CTNNA2: variants seen among roughly 807,000 people sequenced by gnomAD.
CTNNA2 encodes catenin alpha 2.
In CTNNA2, 42 loss-of-function variants were observed where a neutral mutation model predicts 101.0. The observed-to-expected ratio is 0.42, with a 90% confidence interval of 0.32 to 0.54. The LOEUF is 0.54. Ranked by LOEUF, CTNNA2 falls within the 20% of genes least tolerant of loss-of-function variation. The pLI is 0.14. For synonymous variants in CTNNA2, 450 were observed against 456.4 expected (o/e 0.99, Z 0.18); for missense variants, 871 against 1,223.1 (o/e 0.71, Z 4.29).
intron 9 of CTNNA2, among the ~76,000 whole-genome samples, chr2:80,528,720 T>A (rs985344186): frequency 6.6e-6 from 1 of 152,162 alleles, no homozygotes; most frequent in Non-Finnish European, 1.5e-5. Flanking sequence ...AATAAATTAC[T>A]CATTCCAGAG....
At chr2:79,762,405 CCT>C (rs1012100202) in intron 3 of CTNNA2, among the ~76,000 whole-genome samples, 21 of 152,026 alleles carry the variant, frequency 1.4e-4, no homozygotes, top group African/African-American at 3.4e-4. Flanking sequence ...TGCAAAAGAC[CCT>C]CCTGGTTCTT....
intron 7 of CTNNA2, among the ~76,000 whole-genome samples, chr2:80,272,881 A>G (rs1673606957): frequency 6.6e-6 from 1 of 152,236 alleles, no homozygotes; most frequent in South Asian, 2.1e-4. Flanking sequence ...AAGTAGGGTC[A>G]AAGTTTATCT....
intron 7 of CTNNA2, among the ~76,000 whole-genome samples, chr2:80,006,155 TATTTA>T (rs1418798513): frequency 6.6e-6 from 1 of 151,988 alleles, no homozygotes; most frequent in African/African-American, 2.4e-5. Context: ...ATTTTAACAG[TATTTA>T]ATTGTTTGAT....
chr2:80,382,047 G>C (rs1221754752), intron 7 of CTNNA2, among the ~76,000 whole-genome samples: 2 of 152,168 alleles, frequency 1.3e-5, no homozygotes. Flanking sequence ...GAAAGGGAAT[G>C]AGTGTATAAA....
chr2:79,640,512 T>C (rs1401772741), intron 1 of CTNNA2, among the ~76,000 whole-genome samples: 11 of 152,162 alleles, frequency 7.2e-5, no homozygotes, highest in Non-Finnish European at 1.6e-4. Flanking sequence ...CTGAAATACA[T>C]AAATAAAAGT....
intron 9 of CTNNA2, among the ~76,000 whole-genome samples, chr2:80,461,796 G>A (rs1018306554): frequency 2.0e-5 from 3 of 152,016 alleles, no homozygotes; most frequent in Admixed American, 2.0e-4. Context: ...AAATAATGTC[G>A]ACTTTTTCCA....
intron 7 of CTNNA2, among the ~76,000 whole-genome samples, chr2:80,037,615 A>T (rs1439089288): frequency 1.3e-5 from 2 of 152,200 alleles, no homozygotes; most frequent in Non-Finnish European, 2.9e-5. Context: ...CAAGAGCATC[A>T]TGACTTTATG....
At chr2:79,731,046 G>C (rs2104919153) in intron 2 of CTNNA2, among the ~76,000 whole-genome samples, 1 of 152,098 alleles carries the variant, frequency 6.6e-6, no homozygotes, top group African/African-American at 2.4e-5. Flanking sequence ...ATCAAACACT[G>C]TTACTTTTTA....
At chr2:79,645,651 C>A (rs1680766354) in intron 1 of CTNNA2, among the ~76,000 whole-genome samples, 1 of 152,094 alleles carries the variant, frequency 6.6e-6, no homozygotes, top group Non-Finnish European at 1.5e-5. Context: ...CATCCCTACC[C>A]CAATTGGTGT....
intron 2 of CTNNA2, among the ~76,000 whole-genome samples, chr2:79,212,850 TG>T (rs920629594): frequency 1.3e-5 from 2 of 152,124 alleles, no homozygotes; most frequent in Non-Finnish European, 2.9e-5. Context: ...GCTTGATGTG[TG>T]GGAAAGGGAG....
rs951494076 is a variant in CTNNA2, at chr2:79,468,390, A to T, written c.-134-36664A>T. Among the ~76,000 whole-genome samples the T allele has an allele frequency of 2.6e-4, 39 of 152,188 alleles. 1 individual carries two copies. Among genetic ancestry groups the T allele is most frequent in the Admixed American group, 6.5e-5 (1 of 15,272 alleles). ...CCAGATTCATAAAGCAAGCCCTTAGAGACCAACAAAGAGACTTAGACTCCC... is the reference window on the plus strand; with the variant it reads ...CCAGATTCATAAAGCAAGCCCTTAGTGACCAACAAAGAGACTTAGACTCCC... On this transcript the variant is annotated intron_variant, in intron 4 of 21. Coordinates refer to the CTNNA2 transcript ENST00000466387.
chr2:79,639,570 G>GT lies in CTNNA2; in HGVS notation c.-5-11973dup, dbSNP rs964723567. The stretch of plus-strand genomic sequence containing the variant: ...TTCTGGACATAAGTCCTCATTAAAA[G>GT]TTTTTTTTTCGTTTAAAATTGGTTG... On this transcript the variant is annotated intron_variant, in intron 1 of 18. Coordinates refer to ENST00000402739, the MANE Select transcript of CTNNA2 (RefSeq NM_001282597.3). Among the ~76,000 whole-genome samples the GT allele has an allele frequency of 3.4e-4, 51 of 151,114 alleles. No individual in the cohort carries two copies. In the South Asian group the frequency reaches 7.3e-3, roughly 22 times the overall value.
Position 79,193,925 on chromosome 2 carries a change from ATTGCT to A in CTNNA2, c.-523-4029_-523-4025del, listed in dbSNP as rs1178266546. On this transcript the variant is annotated intron_variant, in intron 1 of 21. Transcript: ENST00000466387. ...GTTAATACATGTAAATTGTTACGACATTGCTTTGCACATAGTGCATGCTGTTGCCA... is the reference window on the plus strand; with the variant it reads ...GTTAATACATGTAAATTGTTACGACATTGCACATAGTGCATGCTGTTGCCA... Among the ~76,000 whole-genome samples the A allele has an allele frequency of 3.9e-5, 6 of 152,324 alleles. No individual in the cohort carries two copies. In the East Asian group the frequency reaches 1.2e-3, roughly 29 times the overall value.
At chr2:79,484,119 T>A (rs1671135044) in intron 4 of CTNNA2, among the ~76,000 whole-genome samples, 1 of 152,128 alleles carries the variant, frequency 6.6e-6, no homozygotes, top group African/African-American at 2.4e-5. Flanking sequence ...CATGTGCCTT[T>A]CCTGCAAGCT....
At chr2:79,413,153 G>T (rs1678436445) in intron 4 of CTNNA2, among the ~76,000 whole-genome samples, 1 of 151,840 alleles carries the variant, frequency 6.6e-6, no homozygotes, top group Non-Finnish European at 1.5e-5. Flanking sequence ...TATCATTGTT[G>T]TCATTTGCTT....
intron 12 of CTNNA2, among the ~76,000 whole-genome samples, chr2:80,557,533 C>A (rs1485436295): frequency 6.6e-6 from 1 of 151,990 alleles, no homozygotes; most frequent in Non-Finnish European, 1.5e-5. Context: ...TAAATAATAC[C>A]AGAGAAGTGT....
chr2:80,636,438 T>G (rs1672890984), intron 18 of CTNNA2, among the ~76,000 whole-genome samples: 1 of 152,096 alleles, frequency 6.6e-6, no homozygotes, highest in African/African-American at 2.4e-5. Flanking sequence ...ACACAGAGCT[T>G]TGGGAGATTT....
At chr2:80,509,167 A>G (rs1002124830) in intron 9 of CTNNA2, among the ~76,000 whole-genome samples, 34 of 152,168 alleles carry the variant, frequency 2.2e-4, no homozygotes, top group Admixed American at 2.2e-3. Flanking sequence ...TACTCTTTGA[A>G]TTTTTATTAC....
chr2:79,796,026 G>T (rs1291349245), intron 3 of CTNNA2, among the ~76,000 whole-genome samples: 1 of 152,080 alleles, frequency 6.6e-6, no homozygotes, highest in East Asian at 1.9e-4. Flanking sequence ...GGATATTTAG[G>T]GCTGCAAGTT....
Sources: gnomAD v4.1 joint callset for allele counts (sites outside exome capture counted in the v4.1 genomes callset) on GRCh38, gnomAD v4.1.1 for gene constraint, MANE v1.5 for transcripts, NCBI Gene and HGNC (gene_info 2026-07-23, HGNC 2026-07-21) for gene names.